RAB28: variants seen among roughly 807,000 people sequenced by gnomAD.
The protein encoded by RAB28 is ras-related protein Rab-28.
A neutral mutation model predicts 31.7 loss-of-function variants in RAB28; 24 were observed. The ratio of observed to expected loss-of-function variants is 0.76; its 90% CI spans 0.55 to 1.06. The LOEUF is 1.06. Ranked by LOEUF, RAB28 falls within the 50% of genes least tolerant of loss-of-function variation. RAB28 has a pLI of 0.00. For missense variants in RAB28, 254 were observed against 258.5 expected (o/e 0.98, Z 0.12); for synonymous variants, 100 against 90.4 (o/e 1.11, Z -0.60).
chr4:13,406,233 T>G (rs1248484857), intron 4 of RAB28, among the ~76,000 whole-genome samples: 1 of 152,170 alleles, frequency 6.6e-6, no homozygotes, highest in Non-Finnish European at 1.5e-5. Flanking sequence ...CTCCCACTTA[T>G]GAGTGAGAAC....
Position 13,484,178 on chromosome 4 carries a change from C to A in RAB28, c.-28G>T. ...TGTCCCGGGAACCAGGCCCGCCCCT[C>A]GAGGTGGGGGGGGAAGGGAAGGATG... On this transcript the variant is annotated 5_prime_UTR_variant, in exon 1 of 7. Transcript: ENST00000330852. The A allele has an allele frequency of 6.5e-7, 1 of 1,544,342 alleles. No homozygotes were observed. The highest frequency in any genetic ancestry group is 8.8e-7 in the Non-Finnish European group (1 of 1,139,054).
At chr4:13,471,668 T>C (rs1716128348) in intron 3 of RAB28, among the ~76,000 whole-genome samples, 2 of 152,102 alleles carry the variant, frequency 1.3e-5, no homozygotes, top group South Asian at 4.1e-4. Flanking sequence ...TGACCTATCA[T>C]CTATTTTTGA....
intron 4 of RAB28, among the ~76,000 whole-genome samples, chr4:13,450,052 T>C (rs976187035): frequency 4.0e-5 from 6 of 151,894 alleles, no homozygotes; most frequent in African/African-American, 1.4e-4. Context: ...AAAAAGTTAA[T>C]CTTTTTAAAA....
At chr4:13,478,427 TAAG>T (rs931337091) in intron 2 of RAB28, among the ~76,000 whole-genome samples, 9 of 151,684 alleles carry the variant, frequency 5.9e-5, no homozygotes, top group Admixed American at 4.6e-4. Flanking sequence ...ACTAAGGAGA[TAAG>T]AAGAATACCT....
intron 3 of RAB28, among the ~76,000 whole-genome samples, chr4:13,466,758 T>C (rs988733529): frequency 6.6e-6 from 1 of 151,994 alleles, no homozygotes; most frequent in Non-Finnish European, 1.5e-5. Context: ...ACTGTCACAA[T>C]AGCCAAGCTA....
intron 4 of RAB28, among the ~76,000 whole-genome samples, chr4:13,405,580 T>C (rs896516889): frequency 6.6e-6 from 1 of 152,156 alleles, no homozygotes; most frequent in East Asian, 1.9e-4. Context: ...TCTTTCCCAA[T>C]ATTTGTCAGA....
chr4:13,403,561 A>G (rs73819839), intron 4 of RAB28, among the ~76,000 whole-genome samples: 8,528 of 152,100 alleles, frequency 0.056, 543 homozygotes, highest in African/African-American at 0.16. Flanking sequence ...TTCTTCTTAG[A>G]CTGTCCTTTC....
intron 4 of RAB28, among the ~76,000 whole-genome samples, chr4:13,438,847 T>C (rs1268148868): frequency 2.0e-5 from 3 of 152,218 alleles, no homozygotes; most frequent in African/African-American, 7.2e-5. Flanking sequence ...CTGCAATTTC[T>C]TGAGGAGCTG....
intron 3 of RAB28, among the ~76,000 whole-genome samples, chr4:13,471,454 T>A (rs908352727): frequency 1.3e-5 from 2 of 152,044 alleles, no homozygotes; most frequent in Admixed American, 6.6e-5. Context: ...TAACATAGCA[T>A]TTATTTGGAA....
At chr4:13,424,563 T>TA (rs1434770731) in intron 4 of RAB28, among the ~76,000 whole-genome samples, 1 of 152,210 alleles carries the variant, frequency 6.6e-6, no homozygotes, top group Non-Finnish European at 1.5e-5. Flanking sequence ...TACTAGTGGC[T>TA]AGGACTTCAA....
chr4:13,440,299 C>G (rs562447325), intron 4 of RAB28, among the ~76,000 whole-genome samples: 3 of 152,032 alleles, frequency 2.0e-5, no homozygotes, highest in Non-Finnish European at 4.4e-5. Context: ...TTGGAATCAA[C>G]TCACTTTCAC....
At position 13,402,398 on chromosome 4, in the gene RAB28, C is replaced by G. The variant is rs111237003; in HGVS notation, c.392-20804G>C. Among the ~76,000 whole-genome samples, 426 of 152,308 alleles carry G rather than the reference C, an allele frequency of 2.8e-3. 5 individuals are homozygous for G. Among genetic ancestry groups the G allele is most frequent in the African/African-American group, 9.0e-3 (375 of 41,572 alleles). On this transcript the variant is annotated intron_variant, in intron 4 of 6. Coordinates refer to ENST00000330852, the MANE Select transcript of RAB28 (RefSeq NM_001017979.3). ...GGTTTGTCTATTTAACCTTTCTGTT[C>G]TATCAGTTTTTGCTTTGTGCAAGTT...
chr4:13,468,889 T>C (rs1715992086), intron 3 of RAB28, among the ~76,000 whole-genome samples: 1 of 150,930 alleles, frequency 6.6e-6, no homozygotes, highest in Non-Finnish European at 1.5e-5. Context: ...TTAATATGGG[T>C]TTTCACTACC....
At chr4:13,465,662 G>A (rs1715803498) in intron 3 of RAB28, among the ~76,000 whole-genome samples, 1 of 151,652 alleles carries the variant, frequency 6.6e-6, no homozygotes, top group African/African-American at 2.4e-5. Context: ...AGGTTATTCA[G>A]GGAGAAGGAA....
Position 13,437,134 on chromosome 4 carries a change from G to A in RAB28, c.391+23565C>T, listed in dbSNP as rs143812606. Reference sequence around the variant, plus strand: ...GAAAGGATATCCTACTCAACAAATGGTGCTGGAAAGCTGGCTAGCCATATA... The same window carrying A: ...GAAAGGATATCCTACTCAACAAATGATGCTGGAAAGCTGGCTAGCCATATA... On this transcript the variant is annotated intron_variant, in intron 4 of 6. Coordinates refer to ENST00000330852, the MANE Select transcript of RAB28 (RefSeq NM_001017979.3). Among the ~76,000 whole-genome samples, 167 of 152,182 alleles carry A rather than the reference G, an allele frequency of 1.1e-3. 2 individuals are homozygous for A. Among genetic ancestry groups the A allele is most frequent in the Middle Eastern group, 3.4e-3 (1 of 294 alleles).
intron 4 of RAB28, among the ~76,000 whole-genome samples, chr4:13,401,062 T>C (rs1011963129): frequency 2.6e-5 from 4 of 152,214 alleles, no homozygotes; most frequent in African/African-American, 9.6e-5. Flanking sequence ...TAGATTATTA[T>C]ATCGGTGTCA....
At chr4:13,462,809 T>C (rs1715661511) in intron 3 of RAB28, among the ~76,000 whole-genome samples, 2 of 152,204 alleles carry the variant, frequency 1.3e-5, no homozygotes, top group African/African-American at 4.8e-5. Flanking sequence ...CACAGAATTA[T>C]CTAAAACAAA....
At chr4:13,408,925 A>T (rs1560281016) in intron 4 of RAB28, among the ~76,000 whole-genome samples, 1 of 152,240 alleles carries the variant, frequency 6.6e-6, no homozygotes, top group Non-Finnish European at 1.5e-5. Context: ...ATATATTTTG[A>T]TAAGTTAATT....
Position 13,474,362 on chromosome 4 carries a change from T to C in RAB28, c.217A>G (p.Thr73Ala). 1 of 1,598,644 alleles carries C rather than the reference T, an allele frequency of 6.3e-7. No homozygotes were observed. The highest frequency in any genetic ancestry group is 8.6e-7 in the Non-Finnish European group (1 of 1,168,704). The change falls in exon 3 of 7, where the codon ACA becomes GCA. Residue 73 changes from threonine to alanine, a missense_variant. Coordinates refer to ENST00000330852, the MANE Select transcript of RAB28 (RefSeq NM_001017979.3). ...TLQIWDIGGQ[T>A]IGGKMLDKYI... is the part of the protein sequence containing the mutation. ...TTATCCAACATTTTGCCTCCTATTG[T>C]CTGCCCTCCTATATCCCAAATTTGA...
Sources: gnomAD v4.1 joint callset for allele counts (sites outside exome capture counted in the v4.1 genomes callset) on GRCh38, gnomAD v4.1.1 for gene constraint, MANE v1.5 for transcripts, NCBI Gene and HGNC (gene_info 2026-07-23, HGNC 2026-07-21) for gene names.